Variants in LOXHD1 observed in about 807,000 individuals in gnomAD.
LOXHD1 encodes the protein lipoxygenase homology PLAT domains 1, also known as lipoxygenase homology domain-containing protein 1.
Under a neutral mutation model 248.2 loss-of-function variants are expected in LOXHD1, and 205 were observed. That is an observed-to-expected ratio of 0.83 (90% CI 0.74 to 0.93). LOXHD1 has a LOEUF of 0.93. LOXHD1 is among the 40% of genes least tolerant of loss of function. LOXHD1 has a pLI of 0.00. For synonymous variants in LOXHD1, 1,113 were observed against 1,162.8 expected (o/e 0.96, Z 0.87); for missense variants, 2,930 against 2,971.6 (o/e 0.99, Z 0.33).
At chr18:46,631,791 G>A (rs1002184527) in intron 4 of LOXHD1, among the ~76,000 whole-genome samples, 7 of 152,342 alleles carry the variant, frequency 4.6e-5, no homozygotes, top group Admixed American at 6.5e-5. Flanking sequence ...GGCTTGATGC[G>A]ATAGGGCCTG....
chr18:46,518,912 G>A (rs2035418854), intron 33 of LOXHD1: 1 of 985,482 alleles, frequency 1.0e-6, no homozygotes, highest in African/African-American at 1.7e-5. Flanking sequence ...CTGGAGAAGT[G>A]AGACAATCCC....
intron 13 of LOXHD1, 91 bp downstream of exon 13, chr18:46,579,539 C>T: frequency 6.6e-7 from 1 of 1,507,948 alleles, no homozygotes; most frequent in East Asian, 2.5e-5. Flanking sequence ...GGACCAGCAT[C>T]AGCTCAACTT....
chr18:46,514,157 T>C (rs1299449644), intron 34 of LOXHD1, among the ~76,000 whole-genome samples: 1 of 152,210 alleles, frequency 6.6e-6, no homozygotes, highest in Non-Finnish European at 1.5e-5. Context: ...TTAAACAGAT[T>C]CTAAGTCTCT....
intron 37 of LOXHD1, among the ~76,000 whole-genome samples, chr18:46,491,442 G>A (rs2033468204): frequency 6.6e-6 from 1 of 152,198 alleles, no homozygotes; most frequent in Non-Finnish European, 1.5e-5. Context: ...CCCAGGCGAG[G>A]TCAACGCTGC....
chr18:46,491,851 T>C (rs1477589245), intron 37 of LOXHD1, among the ~76,000 whole-genome samples: 5 of 152,234 alleles, frequency 3.3e-5, no homozygotes, highest in African/African-American at 7.2e-5. Flanking sequence ...AATAGGAGCC[T>C]GTCTGGCCTG....
chr18:46,507,482 G>A lies in LOXHD1; in HGVS notation c.5692+56C>T, dbSNP rs551686610. The A allele has an allele frequency of 5.2e-5, 81 of 1,545,230 alleles. 1 individual carries two copies. Among genetic ancestry groups the A allele is most frequent in the South Asian group, 3.8e-4 (32 of 83,672 alleles). On this transcript the variant is annotated intron_variant, in intron 36 of 40. Coordinates refer to ENST00000642948, the MANE Select transcript of LOXHD1 (RefSeq NM_001384474.1). ...TGACCAGAAACAAGGGCCTGAGCCC[G>A]AATTTGACGGTTGGAGTGGTAAGGG...
At chr18:46,588,593 C>T (rs1307337107) in intron 12 of LOXHD1, among the ~76,000 whole-genome samples, 2 of 152,212 alleles carry the variant, frequency 1.3e-5, no homozygotes, top group East Asian at 3.9e-4. Flanking sequence ...AGACCTAGCT[C>T]AAATGTCACT....
intron 4 of LOXHD1, 106 bp from the exon 5 acceptor site, chr18:46,618,396 T>A (rs1329852918): frequency 1.4e-6 from 1 of 737,396 alleles, no homozygotes; most frequent in Non-Finnish European, 2.3e-6. Context: ...CAGCAATGCA[T>A]AAATTGTCAC....
chr18:46,614,084 G>T (rs1198817347), intron 5 of LOXHD1, among the ~76,000 whole-genome samples: 1 of 152,180 alleles, frequency 6.6e-6, no homozygotes, highest in African/African-American at 2.4e-5. Flanking sequence ...TGCTGGAGAG[G>T]ATGTGGAGAA....
At chr18:46,490,738 G>A (rs1310397363) in intron 37 of LOXHD1, among the ~76,000 whole-genome samples, 1 of 152,218 alleles carries the variant, frequency 6.6e-6, no homozygotes, top group Non-Finnish European at 1.5e-5. Context: ...GCCTCCCAAA[G>A]TGCTGGGATT....
intron 36 of LOXHD1, 109 bp from the exon 37 acceptor site, chr18:46,506,132 C>T (rs1427288913): frequency 3.3e-6 from 4 of 1,224,088 alleles, no homozygotes; most frequent in Non-Finnish European, 4.6e-6. Flanking sequence ...TACAGGTGGA[C>T]AGAGTACAGA....
At chr18:46,554,439 C>G (rs577696039) in intron 21 of LOXHD1, among the ~76,000 whole-genome samples, 2 of 152,180 alleles carry the variant, frequency 1.3e-5, no homozygotes, top group Non-Finnish European at 2.9e-5. Context: ...AAGGTGGTAT[C>G]TCTCCAAGAA....
At chr18:46,647,273 G>T (rs1599074864) in intron 2 of LOXHD1, among the ~76,000 whole-genome samples, 1 of 152,296 alleles carries the variant, frequency 6.6e-6, no homozygotes, top group East Asian at 1.9e-4. Context: ...AGGGAAGGCT[G>T]GAACCCGAAC....
At chr18:46,643,390 A>T (rs904218237) in intron 2 of LOXHD1, among the ~76,000 whole-genome samples, 1 of 152,190 alleles carries the variant, frequency 6.6e-6, no homozygotes, top group Non-Finnish European at 1.5e-5. Context: ...CAAAATAAAG[A>T]CAGAGAATGT....
chr18:46,595,494 G>T (rs2038243907), intron 8 of LOXHD1, among the ~76,000 whole-genome samples: 1 of 152,156 alleles, frequency 6.6e-6, no homozygotes. Flanking sequence ...GGAAACCTGA[G>T]GTCTAGAAAG....
chr18:46,559,325 G>A (rs2037458358), intron 20 of LOXHD1, 123 bp downstream of exon 20: 3 of 1,547,562 alleles, frequency 1.9e-6, no homozygotes, highest in Non-Finnish European at 1.7e-6. Context: ...CATGAAACCT[G>A]GTGGGATGAA....
At chr18:46,580,727 G>A (rs1033387539) in intron 12 of LOXHD1, among the ~76,000 whole-genome samples, 1 of 152,176 alleles carries the variant, frequency 6.6e-6, no homozygotes, top group Non-Finnish European at 1.5e-5. Flanking sequence ...CACAGTGGAG[G>A]GACATCTTGG....
rs573519540 is a variant in LOXHD1, at chr18:46,486,410, G to A, written c.6050-1259C>T. On this transcript the variant is annotated intron_variant, in intron 38 of 40. Transcript: ENST00000642948. Reference sequence around the variant, plus strand: ...TTGCCTCTGTAACTTTTCTCAAGGAGAAATCTCTGCTACCTGAAACAAGTA... The same window carrying A: ...TTGCCTCTGTAACTTTTCTCAAGGAAAAATCTCTGCTACCTGAAACAAGTA... 2.2e-4 allele frequency among the ~76,000 whole-genome samples: 34 copies of A among 152,304 alleles called. No individual in the cohort carries two copies. The South Asian group carries it at 2.7e-3, about 12-fold the overall frequency.
intron 29 of LOXHD1, among the ~76,000 whole-genome samples, chr18:46,525,276 C>T (rs988669927): frequency 2.0e-5 from 3 of 152,184 alleles, no homozygotes; most frequent in African/African-American, 7.2e-5. Context: ...GTCCTGTTCC[C>T]AGACTCCTTA....
Sources: allele counts gnomAD v4.1 joint callset (sites outside exome capture counted in the v4.1 genomes callset), GRCh38; gene constraint gnomAD v4.1.1; transcripts MANE v1.5; gene names NCBI Gene and HGNC (gene_info 2026-07-23, HGNC 2026-07-21).